Variants in CENATAC observed in about 807,000 individuals in gnomAD.
The protein encoded by CENATAC is centrosomal AT-AC splicing factor, also known as coiled-coil domain containing 84.
In CENATAC, 53 loss-of-function variants were observed where a neutral mutation model predicts 53.7. The observed-to-expected ratio is 0.99, with a 90% CI of 0.79 to 1.24. CENATAC has a LOEUF of 1.24. CENATAC is among the 50% of genes most tolerant of loss of function. The pLI is 0.00. For missense variants in CENATAC, 474 were observed against 417.8 expected, an observed-to-expected ratio of 1.13 and a Z score of -1.17; for synonymous variants, 156 against 144.6, an observed-to-expected ratio of 1.08 and a Z score of -0.57.
At chr11:119,006,884 C>T in intron 3 of CENATAC, among the ~76,000 whole-genome samples, 1 of 152,270 alleles carries the variant, frequency 6.6e-6, no homozygotes, top group Middle Eastern at 3.4e-3. Context: ...AAGGGGTTTC[C>T]CCTTTCACTT....
At chr11:119,009,803 G>A (rs1942780554) in intron 3 of CENATAC, 1 of 152,200 alleles carries the variant, frequency 6.6e-6, no homozygotes, top group East Asian at 1.9e-4. Context: ...GCAAAAGGAA[G>A]ATACAAGTAA....
intron 3 of CENATAC, among the ~76,000 whole-genome samples, chr11:119,002,284 G>A (rs1942344802): frequency 6.6e-6 from 1 of 150,826 alleles, no homozygotes; most frequent in Non-Finnish European, 1.5e-5. Flanking sequence ...TAACCAGTTG[G>A]TGTGACCCAG....
At chr11:119,001,633 GT>G (rs1424195947) in intron 3 of CENATAC, 1 of 455,758 alleles carries the variant, frequency 2.2e-6, no homozygotes, top group African/African-American at 2.0e-5. Flanking sequence ...TCATCTGCAA[GT>G]TTTTTCAAAT....
chr11:119,009,726 G>A (rs529938089), intron 3 of CENATAC: 1 of 152,278 alleles, frequency 6.6e-6, no homozygotes, highest in South Asian at 2.1e-4. Context: ...TGTTGATAGT[G>A]GTATTGGTAT....
chr11:119,000,981 A>G (rs1003871600), intron 3 of CENATAC, among the ~76,000 whole-genome samples: 2 of 152,176 alleles, frequency 1.3e-5, no homozygotes, highest in African/African-American at 2.4e-5. Flanking sequence ...CCTAATCTAC[A>G]GTACATATCA....
chr11:118,998,934 A>C, intron 2 of CENATAC, 77 bp from the exon 3 acceptor site: 1 of 1,150,670 alleles, frequency 8.7e-7, no homozygotes, highest in Non-Finnish European at 1.3e-6. Flanking sequence ...GTCAGTTTGC[A>C]TTACAAACCT....
intron 3 of CENATAC, chr11:119,003,347 T>C: frequency 1.9e-6 from 1 of 534,268 alleles, no homozygotes; most frequent in South Asian, 1.4e-5. Context: ...CTTCTTTTTT[T>C]TGTGGCTGTG....
At position 119,015,586 on chromosome 11, in the gene CENATAC, A is replaced by C. The variant is rs189649668; in HGVS notation, c.987A>C (p.Thr329=). ...CAGCAATGAAGAAGCAGTCACATAC[A>C]GAAAAAAGCTAATCATGCTCTCTAC... is the stretch of plus-strand genomic sequence containing the variant. ...EAAAMKKQSH[T]EKS Residue 329 remains threonine (T), a synonymous_variant, in exon 11 of 11, where the codon ACA becomes ACC. Coordinates refer to ENST00000334418, the MANE Select transcript of CENATAC (RefSeq NM_198489.3). 754 of 1,614,166 alleles carry C rather than the reference A, an allele frequency of 4.7e-4. 1 individual carries two copies. In the East Asian group the frequency reaches 5.3e-3, roughly 11 times the overall value.
chr11:119,001,592 T>A (rs1565658729), intron 3 of CENATAC: 1 of 454,714 alleles, frequency 2.2e-6, no homozygotes, highest in Non-Finnish European at 4.4e-6. Flanking sequence ...CATACCTTTT[T>A]AATTTTTTCC....
intron 3 of CENATAC, among the ~76,000 whole-genome samples, chr11:119,001,397 CT>C (rs939323181): frequency 1.6e-4 from 24 of 147,246 alleles, no homozygotes; most frequent in South Asian, 2.1e-4. Flanking sequence ...TAAATTTTAA[CT>C]TTTTTTTTTT....
At chr11:119,001,466 A>G in intron 3 of CENATAC, 1 of 377,404 alleles carries the variant, frequency 2.6e-6, no homozygotes, top group South Asian at 2.0e-5. Context: ...ATCTCGGCTC[A>G]CTGCAACCTC....
intron 4 of CENATAC, 99 bp downstream of exon 4, chr11:119,010,929 G>GTCC (rs1942839797): frequency 1.0e-6 from 1 of 999,352 alleles, no homozygotes; most frequent in African/African-American, 1.6e-5. Flanking sequence ...GATGGTTTCA[G>GTCC]AATGAGACTG....
intron 7 of CENATAC, 95 bp downstream of exon 7, chr11:119,012,349 C>T: frequency 7.3e-7 from 1 of 1,362,040 alleles, no homozygotes; most frequent in South Asian, 1.3e-5. Flanking sequence ...CCACTGCTGC[C>T]TCCACTGCAG....
At chr11:118,998,878 G>A in intron 2 of CENATAC, 133 bp from the exon 3 acceptor site, 2 of 724,170 alleles carry the variant, frequency 2.8e-6, no homozygotes, top group Non-Finnish European at 2.3e-6. Flanking sequence ...TGAAGAGATG[G>A]TAACAGTGTT....
intron 7 of CENATAC, 106 bp downstream of exon 7, chr11:119,012,360 G>A: frequency 8.0e-7 from 1 of 1,254,310 alleles, no homozygotes; most frequent in Non-Finnish European, 1.1e-6. Context: ...TCCACTGCAG[G>A]CTTTTCCTTC....
chr11:119,015,588 A>C lies in CENATAC; in HGVS notation c.989A>C (p.Glu330Ala). The change falls in exon 11 of 11, where the codon GAA (glutamate) becomes GCA (alanine). Residue 330 changes from glutamate to alanine, a missense_variant. Physicochemically the swap from Glu to Ala is moderately radical, Grantham distance 107. Transcript: ENST00000334418. ...GCAATGAAGAAGCAGTCACATACAG[A>C]AAAAAGCTAATCATGCTCTCTACCA... ...AAAMKKQSHT[E>A]KS 6.2e-7 allele frequency: 1 copy of C among 1,614,194 alleles called. No individual in the cohort carries two copies. Among genetic ancestry groups the C allele is most frequent in the Non-Finnish European group, 8.5e-7 (1 of 1,180,036 alleles).
rs966046959 is a variant in CENATAC at position 119,000,191 on chromosome 11, A to G, written c.383+1082A>G. Among the ~76,000 whole-genome samples the G allele has an allele frequency of 3.3e-5, 5 of 152,326 alleles. No individual in the cohort carries two copies. In the South Asian group the frequency reaches 1.0e-3, roughly 32 times the overall value. On this transcript the variant is annotated intron_variant, in intron 3 of 10. Transcript: ENST00000334418. The stretch of plus-strand genomic sequence containing the variant: ...GCCAACCTTCTTTCTAAAATTATCA[A>G]ACCATCCTTTGCCGACATTAAATTA...
chr11:119,007,764 G>T (rs982351836), intron 3 of CENATAC, among the ~76,000 whole-genome samples: 1 of 152,160 alleles, frequency 6.6e-6, no homozygotes, highest in Admixed American at 6.6e-5. Context: ...TGAGATTACA[G>T]GCATGAGCCA....
intron 8 of CENATAC, 158 bp from the exon 9 acceptor site, chr11:119,014,836 T>G (rs1943072545): frequency 1.9e-6 from 1 of 523,828 alleles, no homozygotes; most frequent in South Asian, 3.1e-5. Context: ...TATGTCGCTT[T>G]AAATTAGCCT....
Sources: allele counts gnomAD v4.1 joint callset (sites outside exome capture counted in the v4.1 genomes callset), GRCh38; gene constraint gnomAD v4.1.1; transcripts MANE v1.5; gene names NCBI Gene and HGNC (gene_info 2026-07-23, HGNC 2026-07-21).